The following GNB1L variants were observed in gnomAD, a reference collection of about 807,000 sequenced individuals.
GNB1L encodes the protein G protein subunit beta 1 like.
A neutral mutation model predicts 29.1 loss-of-function variants in GNB1L; 20 were observed. That is an observed-to-expected ratio of 0.69 (90% confidence interval 0.48 to 1.00). GNB1L has a LOEUF of 1.00. Among genes scored for constraint, GNB1L ranks in the 50% least tolerant of loss-of-function variants. The probability of loss-of-function intolerance (pLI) is 0.00; values close to 1 mark genes in which losing one functional copy is unlikely to be tolerated. For missense variants in GNB1L, 421 were observed against 464.9 expected (o/e 0.91, Z 0.87); for synonymous variants, 193 against 206.5 (o/e 0.93, Z 0.56).
At chr22:19,801,931 A>G (rs935581949) in intron 7 of GNB1L, 70 bp downstream of exon 7, 11 of 1,279,870 alleles carry the variant, frequency 8.6e-6, no homozygotes, top group Non-Finnish European at 1.2e-5. Context: ...TCATGCCTAA[A>G]TATTGTTTCA....
intron 2 of GNB1L, among the ~76,000 whole-genome samples, chr22:19,834,409 AAAAGACATGATACCAG>A (rs996469551): frequency 2.6e-5 from 4 of 152,368 alleles, no homozygotes; most frequent in African/African-American, 9.6e-5. Flanking sequence ...CTTCAGGTTC[AAAAGACATGATACCAG>A]AAAGACATGT....
chr22:19,836,125 T>C (rs1013302377), intron 2 of GNB1L, among the ~76,000 whole-genome samples: 22 of 152,064 alleles, frequency 1.4e-4, no homozygotes, highest in African/African-American at 4.8e-4. Flanking sequence ...GTCGGTTCTT[T>C]AAAAAGATCA....
At chr22:19,789,979 C>G (rs1243386425) in intron 7 of GNB1L, among the ~76,000 whole-genome samples, 1 of 152,188 alleles carries the variant, frequency 6.6e-6, no homozygotes, top group African/African-American at 2.4e-5. Context: ...CACAGGGTGC[C>G]AAGGGATGAC....
chr22:19,783,415 C>A lies in GNB1L; in HGVS notation c.*5294G>T. 3.1e-6 allele frequency: 1 copy of A among 326,182 alleles called. No homozygotes were observed. The highest frequency in any genetic ancestry group is 6.0e-6 in the Non-Finnish European group (1 of 166,450). 20.2% of individuals were successfully genotyped at this position (326,182 alleles called of 1,614,324 possible). On this transcript the variant is annotated 3_prime_UTR_variant, in exon 8 of 8. Coordinates refer to ENST00000329517, the MANE Select transcript of GNB1L (RefSeq NM_053004.3). ...CACCTGCACAGCTGGATGGTGGAAG[C>A]AGTTCACTTAAAGGCCATGAGTTAC...
chr22:19,800,158 C>G (rs1297794891), intron 7 of GNB1L, among the ~76,000 whole-genome samples: 1 of 152,244 alleles, frequency 6.6e-6, no homozygotes, highest in Non-Finnish European at 1.5e-5. Flanking sequence ...CTTTTCAATT[C>G]ATCAATCCGG....
chr22:19,839,290 T>C (rs935530693), intron 2 of GNB1L, among the ~76,000 whole-genome samples: 2 of 152,084 alleles, frequency 1.3e-5, no homozygotes, highest in African/African-American at 4.8e-5. Flanking sequence ...ATACAGTAGT[T>C]CCACCTTATC....
intron 2 of GNB1L, chr22:19,849,138 GA>G (rs1354292642): frequency 3.0e-6 from 3 of 985,382 alleles, no homozygotes; most frequent in Non-Finnish European, 1.2e-6. Flanking sequence ...AATCAAGACT[GA>G]AAATGGGTTT....
intron 5 of GNB1L, among the ~76,000 whole-genome samples, chr22:19,809,598 G>A (rs1160129109): frequency 6.6e-6 from 1 of 152,220 alleles, no homozygotes; most frequent in African/African-American, 2.4e-5. Flanking sequence ...TGGGGCTTCA[G>A]CTGTAAACAT....
intron 2 of GNB1L, chr22:19,851,129 C>A: frequency 6.5e-7 from 1 of 1,543,372 alleles, no homozygotes; most frequent in Non-Finnish European, 8.7e-7. Context: ...CAGGCCACTT[C>A]ATCATGAGGG....
intron 2 of GNB1L, chr22:19,850,674 C>G: frequency 1.6e-6 from 2 of 1,230,500 alleles, no homozygotes; most frequent in Non-Finnish European, 2.0e-6. Flanking sequence ...CACATTCCAG[C>G]TGGGACAGAA....
intron 2 of GNB1L, among the ~76,000 whole-genome samples, chr22:19,840,803 C>T (rs1166796727): frequency 6.6e-6 from 1 of 151,378 alleles, no homozygotes; most frequent in East Asian, 1.9e-4. Flanking sequence ...AAGCGAAACT[C>T]CGTCTCAAAA....
intron 2 of GNB1L, among the ~76,000 whole-genome samples, chr22:19,843,592 C>T (rs1054452387): frequency 1.3e-5 from 2 of 152,216 alleles, no homozygotes; most frequent in African/African-American, 2.4e-5. Flanking sequence ...GAAAGCACCT[C>T]CAGGCCTGCA....
intron 4 of GNB1L, among the ~76,000 whole-genome samples, chr22:19,818,578 C>T (rs1035858823): frequency 9.9e-5 from 15 of 152,202 alleles, no homozygotes; most frequent in Admixed American, 2.6e-4. Context: ...GTAGGCACCG[C>T]GTGAGTCTAG....
intron 2 of GNB1L, chr22:19,850,420 C>T: frequency 3.0e-6 from 3 of 992,430 alleles, no homozygotes; most frequent in South Asian, 9.4e-5. Context: ...GATGGCAGCA[C>T]AGCAGCAGGG....
chr22:19,833,377 G>GA (rs531624837), intron 2 of GNB1L, among the ~76,000 whole-genome samples: 111 of 152,232 alleles, frequency 7.3e-4, no homozygotes, highest in Non-Finnish European at 1.1e-3. Flanking sequence ...AATAATATCT[G>GA]AAAAAAATCA....
chr22:19,800,023 G>A (rs971628991), intron 7 of GNB1L, among the ~76,000 whole-genome samples: 10 of 152,302 alleles, frequency 6.6e-5, no homozygotes, highest in Middle Eastern at 3.4e-3. Flanking sequence ...CCTCTCCTTC[G>A]ATGTGCACCA....
intron 7 of GNB1L, among the ~76,000 whole-genome samples, chr22:19,799,524 G>A (rs904109446): frequency 3.3e-5 from 5 of 152,234 alleles, no homozygotes; most frequent in African/African-American, 1.2e-4. Context: ...CAGGTGCCAG[G>A]AATGCGTGGT....
intron 2 of GNB1L, among the ~76,000 whole-genome samples, chr22:19,825,375 T>C (rs1447401123): frequency 6.6e-6 from 1 of 152,196 alleles, no homozygotes; most frequent in Non-Finnish European, 1.5e-5. Context: ...ATCTCAGCAC[T>C]TTGGGAGGCC....
chr22:19,789,005 AG>A (rs1239317537), intron 7 of GNB1L, 45 bp from the exon 8 acceptor site: 4 of 1,552,790 alleles, frequency 2.6e-6, no homozygotes, highest in African/African-American at 1.4e-5. Context: ...TAAGCCCACA[AG>A]GCAGTGCTGC....
Sources: allele counts gnomAD v4.1 joint callset (sites outside exome capture counted in the v4.1 genomes callset), GRCh38; gene constraint gnomAD v4.1.1; transcripts MANE v1.5; gene names NCBI Gene and HGNC (gene_info 2026-07-23, HGNC 2026-07-21).